The following C10orf90 variants were observed in gnomAD, a reference collection of about 807,000 sequenced individuals.
C10orf90 encodes the protein (E2-independent) E3 ubiquitin-conjugating enzyme FATS.
C10orf90 carries 56 observed loss-of-function variants against 62.5 expected under a neutral mutation model. That is an observed-to-expected ratio of 0.90 (90% confidence interval 0.72 to 1.12). The LOEUF (loss-of-function observed/expected upper bound fraction) is 1.12. C10orf90 is among the 50% of genes most tolerant of loss of function. The pLI is 0.00. For synonymous variants in C10orf90, 386 were observed against 340.4 expected, an observed-to-expected ratio of 1.13 and a Z score of -1.47; for missense variants, 970 against 880.4, an observed-to-expected ratio of 1.10 and a Z score of -1.29.
chr10:126,640,227 T>TG (rs1456690963), intron 2 of C10orf90, among the ~76,000 whole-genome samples: 1 of 152,224 alleles, frequency 6.6e-6, no homozygotes, highest in East Asian at 1.9e-4. Context: ...AAGCCACTTC[T>TG]GGGGGAGCCT....
chr10:126,594,748 G>GGGATC (rs1475206538), intron 2 of C10orf90, among the ~76,000 whole-genome samples: 1 of 152,108 alleles, frequency 6.6e-6, no homozygotes, highest in Non-Finnish European at 1.5e-5. Flanking sequence ...TCCAGGCAAA[G>GGGATC]GGATCAGCCA....
intron 1 of C10orf90, 138 bp downstream of exon 1, chr10:126,670,103 A>T (rs535313192): frequency 3.0e-6 from 1 of 335,672 alleles, no homozygotes; most frequent in Non-Finnish European, 5.9e-6. Flanking sequence ...GGCTTTTCCA[A>T]ATCCCTTAGG....
At chr10:126,545,556 T>C (rs909065251) in intron 2 of C10orf90, among the ~76,000 whole-genome samples, 5 of 152,204 alleles carry the variant, frequency 3.3e-5, no homozygotes, top group African/African-American at 1.2e-4. Flanking sequence ...CATCCCAAGA[T>C]GGTTGCAGAA....
chr10:126,598,443 T>C lies in C10orf90; in HGVS notation c.313+48122A>G, dbSNP rs563063749. On this transcript the variant is annotated intron_variant, in intron 2 of 9. Transcript: ENST00000488181. ...TATGATGCCCATATGAGAATTAATA[T>C]CTTTGAGCACCAAATCCACAGAAGG... is the stretch of plus-strand genomic sequence containing the variant. Among the ~76,000 whole-genome samples, 250 of 152,278 alleles carry C rather than the reference T, an allele frequency of 1.6e-3. 2 individuals are homozygous for C. In the South Asian group the frequency reaches 0.02, roughly 12 times the overall value.
intron 2 of C10orf90, among the ~76,000 whole-genome samples, chr10:126,642,984 T>C (rs188627399): frequency 1.3e-5 from 2 of 152,302 alleles, no homozygotes; most frequent in East Asian, 3.9e-4. Context: ...ATAATTTGAC[T>C]AATTTCTAGG....
intron 2 of C10orf90, among the ~76,000 whole-genome samples, chr10:126,564,741 C>T (rs1238393452): frequency 7.3e-6 from 1 of 137,852 alleles, no homozygotes. Flanking sequence ...CTTCACTCAT[C>T]CCCACCCTCC....
At chr10:126,513,698 A>G (rs1216884324) in intron 3 of C10orf90, 150 bp downstream of exon 3, 1 of 550,000 alleles carries the variant, frequency 1.8e-6, no homozygotes, top group Admixed American at 3.5e-5. Context: ...AAGAATAATT[A>G]AATCTATAGC....
Position 126,455,329 on chromosome 10 carries a change from C to T in C10orf90, c.2188+3711G>A, listed in dbSNP as rs547819608. 3.3e-5 allele frequency among the ~76,000 whole-genome samples: 5 copies of T among 152,324 alleles called. No individual in the cohort carries two copies. In the East Asian group the frequency reaches 9.7e-4, roughly 30 times the overall value. ...CGTGTTCCCTTCCTCACCCACCCTG[C>T]CCTATTGGCATGGTTCTCCCCCATG... On this transcript the variant is annotated intron_variant, in intron 7 of 9. Coordinates refer to ENST00000488181, the MANE Select transcript of C10orf90 (RefSeq NM_001350921.2).
intron 2 of C10orf90, among the ~76,000 whole-genome samples, chr10:126,637,720 AGG>A (rs1366407628): frequency 5.3e-5 from 8 of 152,326 alleles, no homozygotes; most frequent in African/African-American, 1.9e-4. Flanking sequence ...ATGGTGGCAG[AGG>A]GTGGGACAGA....
chr10:126,586,564 T>A (rs546700001), intron 2 of C10orf90, among the ~76,000 whole-genome samples: 23 of 152,294 alleles, frequency 1.5e-4, no homozygotes, highest in East Asian at 1.4e-3. Context: ...GCCATTTACA[T>A]CCTTTTCTTT....
chr10:126,641,704 T>C (rs1380550185), intron 2 of C10orf90, among the ~76,000 whole-genome samples: 1 of 152,032 alleles, frequency 6.6e-6, no homozygotes, highest in African/African-American at 2.4e-5. Flanking sequence ...ACATGCAGAA[T>C]GGGGATCTGA....
At chr10:126,494,392 G>A (rs1024355288) in intron 4 of C10orf90, among the ~76,000 whole-genome samples, 3 of 152,140 alleles carry the variant, frequency 2.0e-5, no homozygotes, top group African/African-American at 7.2e-5. Context: ...CCTCAAGGTT[G>A]ACTCTGAATT....
intron 1 of C10orf90, among the ~76,000 whole-genome samples, chr10:126,660,822 T>C (rs979807355): frequency 1.3e-5 from 2 of 152,248 alleles, no homozygotes; most frequent in Admixed American, 1.3e-4. Flanking sequence ...GATCCTGCCT[T>C]AAATTGATAT....
chr10:126,635,276 A>G lies in C10orf90; in HGVS notation c.313+11289T>C, dbSNP rs539073187. 3.9e-5 allele frequency among the ~76,000 whole-genome samples: 6 copies of G among 152,296 alleles called. No individual in the cohort carries two copies. In the South Asian group the frequency reaches 6.2e-4, roughly 16 times the overall value. ...GAAGAAAATTCTAAAGCACGGTCCT[A>G]TTACAGATTATTGCTTCTTCCCATC... is the stretch of plus-strand genomic sequence containing the variant. On this transcript the variant is annotated intron_variant, in intron 2 of 9. Transcript: ENST00000488181.
chr10:126,557,002 A>G (rs1864788240), intron 2 of C10orf90, among the ~76,000 whole-genome samples: 2 of 126,942 alleles, frequency 1.6e-5, no homozygotes, highest in Non-Finnish European at 3.4e-5. Context: ...TTTTGCAATT[A>G]ATCAATTTAA....
intron 3 of C10orf90, among the ~76,000 whole-genome samples, chr10:126,512,412 C>CTGTGTGTCTG (rs1564847215): frequency 4.7e-5 from 4 of 84,990 alleles, no homozygotes; most frequent in African/African-American, 2.7e-4. Flanking sequence ...GTCTGTGTGT[C>CTGTGTGTCTG]TGTGTGTGTG....
At chr10:126,574,158 TC>T (rs201519731) in intron 2 of C10orf90, among the ~76,000 whole-genome samples, 3,375 of 152,200 alleles carry the variant, frequency 0.022, 53 homozygotes, top group African/African-American at 0.045. Flanking sequence ...AAAACTGAAA[TC>T]ATTGACTACA....
At chr10:126,540,241 T>A (rs771584870) in intron 2 of C10orf90, among the ~76,000 whole-genome samples, 1 of 152,192 alleles carries the variant, frequency 6.6e-6, no homozygotes, top group Admixed American at 6.5e-5. Context: ...AGACTTAACA[T>A]CTTTCTAGAT....
At chr10:126,615,847 A>T (rs10510156) in intron 2 of C10orf90, among the ~76,000 whole-genome samples, 8,442 of 152,196 alleles carry the variant, frequency 0.055, 275 homozygotes, top group Middle Eastern at 0.12. Flanking sequence ...ATATCCTATG[A>T]TCCCTCACTG....
Sources: gnomAD v4.1 joint callset for allele counts (sites outside exome capture counted in the v4.1 genomes callset) on GRCh38, gnomAD v4.1.1 for gene constraint, MANE v1.5 for transcripts, NCBI Gene and HGNC (gene_info 2026-07-23, HGNC 2026-07-21) for gene names.